The following SLC5A3 variants were observed in gnomAD, a reference collection of about 807,000 sequenced individuals.
The protein encoded by SLC5A3 is solute carrier family 5 member 3, also known as sodium/myo-inositol cotransporter.
Under a neutral mutation model 43.2 loss-of-function variants are expected in SLC5A3, and 10 were observed. The ratio of observed to expected loss-of-function variants is 0.23; its 90% CI spans 0.14 to 0.39. The LOEUF (loss-of-function observed/expected upper bound fraction) is 0.39, where lower values mean the gene tolerates loss of function less well. Ranked by LOEUF, SLC5A3 falls within the 10% of genes least tolerant of loss-of-function variation. The pLI is 1.00. For synonymous variants in SLC5A3, 349 were observed against 322.0 expected, an observed-to-expected ratio of 1.08 and a Z score of -0.90; for missense variants, 608 against 893.4, an observed-to-expected ratio of 0.68 and a Z score of 4.07.
intron 1 of SLC5A3, among the ~76,000 whole-genome samples, chr21:34,085,591 A>T (rs1441944612): frequency 6.6e-6 from 1 of 151,106 alleles, no homozygotes; most frequent in Non-Finnish European, 1.5e-5. Context: ...AGTGTATAAG[A>T]AATAAGGACT....
In SLC5A3 at chr21:34,101,384, G is replaced by T; in HGVS notation, c.*4029G>T. 2 of 1,000,150 alleles carry T rather than the reference G, an allele frequency of 2.0e-6. No individual in the cohort carries two copies. Among genetic ancestry groups the T allele is most frequent in the Non-Finnish European group, 2.4e-6 (2 of 829,916 alleles). The allele number at this position is 1,000,150 out of a possible 1,614,324, so 62.0% of individuals were successfully genotyped here. On this transcript the variant is annotated 3_prime_UTR_variant, in exon 2 of 2. Coordinates refer to ENST00000381151, the MANE Select transcript of SLC5A3 (RefSeq NM_006933.7). ...GTACGAAGTTTGTTACCACAGTAGA[G>T]ATAATTTAGTAGAAAAATGCTTTGA... is the stretch of plus-strand genomic sequence containing the variant.
At position 34,096,393 on chromosome 21, in the gene SLC5A3, C is replaced by A. The variant is rs746093403; in HGVS notation, c.1195C>A (p.Arg399Ser). The stretch of plus-strand genomic sequence containing the variant: ...CACCCTCGATGTGTACAAACTTATC[C>A]GCAAGAGCGCAAGCTCCCGGGAGTT... Reference protein sequence around the residue: ...IFTLDVYKLIRKSASSRELMI... With the variant: ...IFTLDVYKLISKSASSRELMI... The change falls in exon 2 of 2, where the codon CGC becomes AGC. Residue 399 changes from arginine (R) to serine (S), a missense_variant. Physicochemically the swap from Arg to Ser is moderately radical, Grantham distance 110. This residue lies in a region of SLC5A3 where 398 missense variants were observed against 668.6 expected (regional missense o/e 0.60). Coordinates refer to ENST00000381151, the MANE Select transcript of SLC5A3 (RefSeq NM_006933.7). This position sits in a 1 kb window ranked among gnomAD's most constrained non-coding sequence, Gnocchi z 5.9. 5 of 1,614,132 alleles carry A rather than the reference C, an allele frequency of 3.1e-6. No homozygotes were observed. The highest frequency in any genetic ancestry group is 4.2e-6 in the Non-Finnish European group (5 of 1,180,024).
At position 34,102,873 on chromosome 21, in the gene SLC5A3, A is replaced by G; in HGVS notation, c.*5518A>G. ...AGAGCTCTATCAATAAGAGGAATAC[A>G]TATTACAGTGAATTCGACAACCGCA... On this transcript the variant is annotated 3_prime_UTR_variant, in exon 2 of 2. Coordinates refer to ENST00000381151, the MANE Select transcript of SLC5A3 (RefSeq NM_006933.7). The G allele has an allele frequency of 2.0e-6, 2 of 1,000,008 alleles. No homozygotes were observed. Among genetic ancestry groups the G allele is most frequent in the Non-Finnish European group, 2.4e-6 (2 of 829,936 alleles). The allele number at this position is 1,000,008 out of a possible 1,614,324, so 61.9% of individuals were successfully genotyped here. A position where few individuals can be genotyped will look rare whatever the true frequency, so the allele number is the denominator to read the frequency against.
rs927728071 is a variant in SLC5A3, at chr21:34,102,357, G to C, written c.*5002G>C. Reference sequence around the variant, plus strand: ...ACTGATTCACCTTTAAAGGAATGTTGTGAGAATTGATGTAATTTCTGTTTC... The same window carrying C: ...ACTGATTCACCTTTAAAGGAATGTTCTGAGAATTGATGTAATTTCTGTTTC... On this transcript the variant is annotated 3_prime_UTR_variant, in exon 2 of 2. Coordinates refer to ENST00000381151, the MANE Select transcript of SLC5A3 (RefSeq NM_006933.7). The C allele has an allele frequency of 1.0e-6, 1 of 999,626 alleles. No homozygotes were observed. The highest frequency in any genetic ancestry group is 1.7e-5 in the African/African-American group (1 of 57,220). The allele number at this position is 999,626 out of a possible 1,614,324, so 61.9% of individuals were successfully genotyped here.
chr21:34,104,704 GGGGAAGAA>G lies in SLC5A3; in HGVS notation c.*7351_*7358del. On this transcript the variant is annotated 3_prime_UTR_variant, in exon 2 of 2. Coordinates refer to ENST00000381151, the MANE Select transcript of SLC5A3 (RefSeq NM_006933.7). The stretch of plus-strand genomic sequence containing the variant: ...TCAAACCTCAGGCCTGGGGGGATGA[GGGGAAGAA>G]GATTACCAGAAGTGCAGGAAAGAGA... 1 of 1,000,300 alleles carries G rather than the reference GGGGAAGAA, an allele frequency of 1.0e-6. No individual in the cohort carries two copies. Among genetic ancestry groups the G allele is most frequent in the Non-Finnish European group, 1.2e-6 (1 of 830,000 alleles). The allele number at this position is 1,000,300 out of a possible 1,614,324, so 62.0% of individuals were successfully genotyped here.
At position 34,099,452 on chromosome 21, in the gene SLC5A3, A is replaced by G. The variant is rs1452850184; in HGVS notation, c.*2097A>G. 1 of 999,998 alleles carries G rather than the reference A, an allele frequency of 1.0e-6. No individual in the cohort carries two copies. The highest frequency in any genetic ancestry group is 1.1e-4 in the East Asian group (1 of 8,840). 61.9% of individuals were successfully genotyped at this position (999,998 alleles called of 1,614,324 possible). On this transcript the variant is annotated 3_prime_UTR_variant, in exon 2 of 2. Transcript: ENST00000381151. ...CAACCTTTTGGTGTTTGGGAAAGTA[A>G]TAAGATCTTGGATTTTTCAAATTAA...
At chr21:34,076,677 G>A (rs1370825333) in intron 1 of SLC5A3, among the ~76,000 whole-genome samples, 1 of 152,180 alleles carries the variant, frequency 6.6e-6, no homozygotes, top group Non-Finnish European at 1.5e-5. Flanking sequence ...GTTTTAGCGT[G>A]AAAAGTAGGT....
At chr21:34,087,349 C>G (rs889464256) in intron 1 of SLC5A3, among the ~76,000 whole-genome samples, 1 of 152,106 alleles carries the variant, frequency 6.6e-6, no homozygotes, top group African/African-American at 2.4e-5. Context: ...GTTTAGCAGT[C>G]TTGATGGCGA....
At chr21:34,076,643 TAAA>T (rs781655741) in intron 1 of SLC5A3, among the ~76,000 whole-genome samples, 42 of 152,284 alleles carry the variant, frequency 2.8e-4, no homozygotes, top group African/African-American at 7.2e-4. Context: ...AGTGTGTATA[TAAA>T]AAAAGTTATT....
In SLC5A3 at chr21:34,103,324, A is replaced by AC. The variant is rs1979330402; in HGVS notation, c.*5969_*5970insC. 8.0e-6 allele frequency: 8 copies of AC among 999,112 alleles called. No individual in the cohort carries two copies. Among genetic ancestry groups the AC allele is most frequent in the Non-Finnish European group, 9.6e-6 (8 of 829,288 alleles). The allele number at this position is 999,112 out of a possible 1,614,324, so 61.9% of individuals were successfully genotyped here. On this transcript the variant is annotated 3_prime_UTR_variant, in exon 2 of 2. Coordinates refer to ENST00000381151, the MANE Select transcript of SLC5A3 (RefSeq NM_006933.7). ...TAACTAGTGAAGGAAGTAAAAAAAA[A>AC]AAAAAAACATGCATTACATTGACAT...
chr21:34,086,014 C>T (rs1782999), intron 1 of SLC5A3, among the ~76,000 whole-genome samples: 149,173 of 152,328 alleles, frequency 0.98, 73,116 homozygotes, highest in South Asian at 1. Flanking sequence ...GTCTACAGTT[C>T]TGGTTGACTC....
chr21:34,077,680 A>C (rs998008752), intron 1 of SLC5A3, among the ~76,000 whole-genome samples: 4 of 152,210 alleles, frequency 2.6e-5, no homozygotes, highest in Admixed American at 2.6e-4. Flanking sequence ...TTTAATACTC[A>C]ACGCAGATTA....
chr21:34,106,118 A>G lies in SLC5A3; in HGVS notation c.*8763A>G. The G allele has an allele frequency of 1.0e-6, 1 of 997,832 alleles. No individual in the cohort carries two copies. Among genetic ancestry groups the G allele is most frequent in the Non-Finnish European group, 1.2e-6 (1 of 827,722 alleles). 61.8% of individuals were successfully genotyped at this position (997,832 alleles called of 1,614,324 possible). ...GCCAGCTGCTGCATTAGCCTTCAAA[A>G]GTATTTGGAAACTTAAGATGAACTA... On this transcript the variant is annotated 3_prime_UTR_variant, in exon 2 of 2. Transcript: ENST00000381151.
Position 34,102,130 on chromosome 21 carries a change from G to C in SLC5A3, c.*4775G>C, listed in dbSNP as rs559668409. 6 of 1,000,162 alleles carry C rather than the reference G, an allele frequency of 6.0e-6. No homozygotes were observed. In the African/African-American group the frequency reaches 1.0e-4, roughly 17 times the overall value. The allele number at this position is 1,000,162 out of a possible 1,614,324, so 62.0% of individuals were successfully genotyped here. On this transcript the variant is annotated 3_prime_UTR_variant, in exon 2 of 2. Transcript: ENST00000381151. ...TCTTCTGTCAAGGTCACTTAATATG[G>C]AATGTTTTTGTCAGACTGTCCTTTG...
Position 34,098,463 on chromosome 21 carries a change from A to T in SLC5A3, c.*1108A>T. On this transcript the variant is annotated 3_prime_UTR_variant, in exon 2 of 2. Coordinates refer to ENST00000381151, the MANE Select transcript of SLC5A3 (RefSeq NM_006933.7). ...TGCATCCTTGATAAGTTTTTCCCTGATTTTTTTTTTCCTCAAAAGACTTTC... is the reference window on the plus strand; with the variant it reads ...TGCATCCTTGATAAGTTTTTCCCTGTTTTTTTTTTTCCTCAAAAGACTTTC... 2.1e-6 allele frequency: 2 copies of T among 965,368 alleles called. No homozygotes were observed. Among genetic ancestry groups the T allele is most frequent in the Non-Finnish European group, 2.5e-6 (2 of 799,764 alleles). 59.8% of individuals were successfully genotyped at this position (965,368 alleles called of 1,614,324 possible).
In SLC5A3 at chr21:34,095,958, C is replaced by A; in HGVS notation, c.760C>A (p.Pro254Thr). The A allele has an allele frequency of 6.2e-7, 1 of 1,614,106 alleles. No homozygotes were observed. ...KKEALKMLRN[P>T]TDEDVPWPGF... Reference sequence around the variant, plus strand: ...AGAAGCCCTGAAAATGCTGCGGAATCCAACAGATGAAGATGTTCCTTGGCC... The same window carrying A: ...AGAAGCCCTGAAAATGCTGCGGAATACAACAGATGAAGATGTTCCTTGGCC... The change falls in exon 2 of 2, where the codon CCA (proline) becomes ACA (threonine). Residue 254 changes from proline to threonine, a missense_variant. Transcript: ENST00000381151.
At chr21:34,084,142 T>C (rs1184287100) in intron 1 of SLC5A3, among the ~76,000 whole-genome samples, 2 of 152,238 alleles carry the variant, frequency 1.3e-5, no homozygotes, top group African/African-American at 4.8e-5. Context: ...TTGAGTGTTA[T>C]ATTCTCCAAA....
In SLC5A3 at chr21:34,105,957, T is replaced by G. The variant is rs1979457275; in HGVS notation, c.*8602T>G. The G allele has an allele frequency of 1.0e-6, 1 of 993,036 alleles. No individual in the cohort carries two copies. Among genetic ancestry groups the G allele is most frequent in the Non-Finnish European group, 1.2e-6 (1 of 823,514 alleles). 61.5% of individuals were successfully genotyped at this position (993,036 alleles called of 1,614,324 possible). On this transcript the variant is annotated 3_prime_UTR_variant, in exon 2 of 2. Coordinates refer to ENST00000381151, the MANE Select transcript of SLC5A3 (RefSeq NM_006933.7). ...ATCTGATTTTTTAAAATTGTAAACA[T>G]GTATGATCTTGGTTTCATGTGTTTT...
At chr21:34,083,994 A>G (rs1989516109) in intron 1 of SLC5A3, among the ~76,000 whole-genome samples, 1 of 152,206 alleles carries the variant, frequency 6.6e-6, no homozygotes, top group Admixed American at 6.5e-5. Flanking sequence ...GCAATGCAAG[A>G]GGAAAATCCA....
Sources: allele counts gnomAD v4.1 joint callset (sites outside exome capture counted in the v4.1 genomes callset), GRCh38; gene constraint gnomAD v4.1.1; regional missense constraint gnomAD v4.1.1; non-coding constraint Gnocchi (gnomAD v3.1); transcripts MANE v1.5; gene names NCBI Gene and HGNC (gene_info 2026-07-23, HGNC 2026-07-21).